The following JMJD1C variants were observed in gnomAD, a reference collection of about 807,000 sequenced individuals.
JMJD1C encodes the protein jumonji domain-containing protein 1C.
A neutral mutation model predicts 245.3 loss-of-function variants in JMJD1C; 31 were observed. The observed-to-expected ratio is 0.13, with a 90% CI of 0.09 to 0.17. The LOEUF (loss-of-function observed/expected upper bound fraction) is 0.17. Ranked by LOEUF, JMJD1C falls within the 10% of genes least tolerant of loss-of-function variation. JMJD1C has a pLI of 1.00. For synonymous variants in JMJD1C, 1,057 were observed against 1,017.4 expected (o/e 1.04, Z -0.74); for missense variants, 2,691 against 3,000.2 (o/e 0.90, Z 2.41).
At chr10:63,318,619 G>C (rs927300010) in intron 2 of JMJD1C, among the ~76,000 whole-genome samples, 2 of 151,648 alleles carry the variant, frequency 1.3e-5, no homozygotes, top group African/African-American at 4.8e-5. Context: ...GAACTCTTAC[G>C]TAAGTTCAAC....
chr10:63,306,783 A>C (rs1043212390), intron 2 of JMJD1C, among the ~76,000 whole-genome samples: 2 of 152,216 alleles, frequency 1.3e-5, no homozygotes, highest in African/African-American at 4.8e-5. Flanking sequence ...GTTTTCAAAA[A>C]TTTTCCAAAT....
intron 2 of JMJD1C, among the ~76,000 whole-genome samples, chr10:63,372,583 G>C (rs1946398757): frequency 6.6e-6 from 1 of 152,126 alleles, no homozygotes; most frequent in Non-Finnish European, 1.5e-5. Flanking sequence ...TATGTTAATA[G>C]TCAGAAAACT....
chr10:63,452,752 G>T (rs564541805), intron 1 of JMJD1C, among the ~76,000 whole-genome samples: 1 of 152,204 alleles, frequency 6.6e-6, no homozygotes, highest in African/African-American at 2.4e-5. Flanking sequence ...AAGAAGTGAA[G>T]TTATGATACT....
intron 2 of JMJD1C, among the ~76,000 whole-genome samples, chr10:63,354,875 AAGTC>A (rs1044734185): frequency 6.6e-6 from 1 of 150,558 alleles, no homozygotes; most frequent in South Asian, 2.1e-4. Context: ...AAAAAAAAAA[AAGTC>A]AGGCATGGTG....
At chr10:63,265,813 C>T (rs1401113598) in intron 2 of JMJD1C, among the ~76,000 whole-genome samples, 2 of 152,140 alleles carry the variant, frequency 1.3e-5, no homozygotes, top group East Asian at 3.8e-4. Flanking sequence ...AATATTTCCA[C>T]ACAAAACAAA....
chr10:63,486,237 T>G (rs901368583), intron 1 of JMJD1C, among the ~76,000 whole-genome samples: 7 of 150,000 alleles, frequency 4.7e-5, no homozygotes, highest in Admixed American at 4.6e-4. Flanking sequence ...AGAGTATGAC[T>G]GAAGCTTAGC....
At chr10:63,251,469 T>C (rs1353213346) in intron 3 of JMJD1C, among the ~76,000 whole-genome samples, 2 of 152,190 alleles carry the variant, frequency 1.3e-5, no homozygotes, top group African/African-American at 4.8e-5. Context: ...CAACTTTTAT[T>C]AAATAACTAG....
chr10:63,424,533 G>T (rs868634806), intron 1 of JMJD1C, among the ~76,000 whole-genome samples: 3 of 137,014 alleles, frequency 2.2e-5, no homozygotes, highest in Non-Finnish European at 3.1e-5. Flanking sequence ...TTGAGACCGG[G>T]TCTCATTCTG....
chr10:63,365,144 C>T (rs1945729876), intron 2 of JMJD1C, among the ~76,000 whole-genome samples: 1 of 152,188 alleles, frequency 6.6e-6, no homozygotes, highest in Admixed American at 6.5e-5. Flanking sequence ...TCAGAAAATG[C>T]CAATTCAGCA....
intron 1 of JMJD1C, among the ~76,000 whole-genome samples, chr10:63,506,915 TG>T (rs1954736071): frequency 6.9e-6 from 1 of 145,364 alleles, no homozygotes. Context: ...CCCTGTTCTC[TG>T]ATTATTCACC....
Position 63,232,641 on chromosome 10 carries a change from T to C in JMJD1C, c.448-12658A>G, listed in dbSNP as rs865873302. Among the ~76,000 whole-genome samples, 11 of 152,138 alleles carry C rather than the reference T, an allele frequency of 7.2e-5. No homozygotes were observed. The East Asian group carries it at 7.7e-4, about 11-fold the overall frequency. On this transcript the variant is annotated intron_variant, in intron 3 of 25. Transcript: ENST00000399262. ...CTCTCCTTGGAACATCCATTTGGCA[T>C]TGCTTGCAACTACTTATATCATTAA...
At chr10:63,456,281 AAAG>A (rs1170211392) in intron 1 of JMJD1C, among the ~76,000 whole-genome samples, 1 of 152,116 alleles carries the variant, frequency 6.6e-6, no homozygotes, top group Non-Finnish European at 1.5e-5. Context: ...ATGTGATTTT[AAAG>A]AAGAAAAAGA....
chr10:63,204,132 A>G (rs1251681064), intron 10 of JMJD1C: 3 of 969,030 alleles, frequency 3.1e-6, no homozygotes, highest in African/African-American at 3.5e-5. Flanking sequence ...TCTAAAAAAT[A>G]TTTAAGAAAA....
At chr10:63,295,997 GTGTGTGT>G (rs1859365935) in intron 2 of JMJD1C, among the ~76,000 whole-genome samples, 1 of 67,398 alleles carries the variant, frequency 1.5e-5, no homozygotes, top group Non-Finnish European at 2.6e-5. Context: ...GTGTGTGTGT[GTGTGTGT>G]ATATATATAT....
In JMJD1C at chr10:63,415,453, C is replaced by T. The variant is rs1311039031; in HGVS notation, c.169-34971G>A. Among the ~76,000 whole-genome samples the T allele has an allele frequency of 2.6e-5, 4 of 152,118 alleles. No homozygotes were observed. In the East Asian group the frequency reaches 5.8e-4, roughly 22 times the overall value. On this transcript the variant is annotated intron_variant, in intron 1 of 25. Coordinates refer to ENST00000399262, the MANE Select transcript of JMJD1C (RefSeq NM_032776.3). ...AAACTAGTTCTCACTTGTAATATAA[C>T]TGGTATTACAAACCATTAGTTCAAT...
At chr10:63,283,462 G>C (rs1230319056) in intron 2 of JMJD1C, among the ~76,000 whole-genome samples, 1 of 151,224 alleles carries the variant, frequency 6.6e-6, no homozygotes, top group Non-Finnish European at 1.5e-5. Context: ...CGCTTCCCAA[G>C]TTTGAACGAT....
At chr10:63,372,573 T>C (rs1946397605) in intron 2 of JMJD1C, among the ~76,000 whole-genome samples, 1 of 152,216 alleles carries the variant, frequency 6.6e-6, no homozygotes, top group Non-Finnish European at 1.5e-5. Flanking sequence ...GATATTATCA[T>C]ATGTTAATAG....
chr10:63,184,999 C>T (rs528394446), intron 20 of JMJD1C, among the ~76,000 whole-genome samples: 2 of 152,326 alleles, frequency 1.3e-5, no homozygotes, highest in East Asian at 3.9e-4. Context: ...ACTCTTGTTG[C>T]CCGCCTCAGC....
chr10:63,201,350 G>GA (rs1236046705), intron 10 of JMJD1C, among the ~76,000 whole-genome samples: 2 of 147,956 alleles, frequency 1.4e-5, no homozygotes, highest in African/African-American at 2.5e-5. Context: ...AAAGTAAAAG[G>GA]AAAAAAAAAT....
Sources: gnomAD v4.1 joint callset for allele counts (sites outside exome capture counted in the v4.1 genomes callset) on GRCh38, gnomAD v4.1.1 for gene constraint, MANE v1.5 for transcripts, NCBI Gene and HGNC (gene_info 2026-07-23, HGNC 2026-07-21) for gene names.